The following NXPH1 variants were observed in gnomAD, a reference collection of about 807,000 sequenced individuals.
NXPH1 encodes neurexophilin 1, also known as neurexophilin-1.
Under a neutral mutation model 23.7 loss-of-function variants are expected in NXPH1, and 5 were observed. That is an observed-to-expected ratio of 0.21 (90% CI 0.11 to 0.44). The LOEUF is 0.44. Among genes scored for constraint, NXPH1 ranks in the 20% least tolerant of loss-of-function variants. The pLI is 0.99. For synonymous variants in NXPH1, 144 were observed against 122.2 expected (o/e 1.18, Z -1.18); for missense variants, 324 against 321.6 (o/e 1.01, Z -0.06).
chr7:8,560,494 A>G (rs529932405), intron 2 of NXPH1, among the ~76,000 whole-genome samples: 47 of 151,842 alleles, frequency 3.1e-4, no homozygotes, highest in Non-Finnish European at 5.8e-4. Context: ...TTGAATCCAC[A>G]TTATTACTGT....
chr7:8,667,999 GTT>G (rs1820802180), intron 2 of NXPH1, among the ~76,000 whole-genome samples: 2 of 151,572 alleles, frequency 1.3e-5, no homozygotes, highest in Admixed American at 1.3e-4. Flanking sequence ...TGTTGTTGTT[GTT>G]GTTGTTGTTT....
chr7:8,582,542 G>A (rs1012043520), intron 2 of NXPH1, among the ~76,000 whole-genome samples: 1 of 152,146 alleles, frequency 6.6e-6, no homozygotes, highest in African/African-American at 2.4e-5. Context: ...CCTGCAGTGG[G>A]TAGCTCTGCA....
intron 2 of NXPH1, among the ~76,000 whole-genome samples, chr7:8,704,802 T>A (rs1439399199): frequency 2.0e-5 from 3 of 151,816 alleles, no homozygotes; most frequent in African/African-American, 7.3e-5. Context: ...TTGACTTGCA[T>A]CACCACAGTG....
chr7:8,563,514 A>G (rs1818484654), intron 2 of NXPH1, among the ~76,000 whole-genome samples: 1 of 151,802 alleles, frequency 6.6e-6, no homozygotes, highest in Non-Finnish European at 1.5e-5. Flanking sequence ...TTGATGACAT[A>G]GGAAAGGAGG....
chr7:8,483,900 T>C (rs1817115240), intron 2 of NXPH1, among the ~76,000 whole-genome samples: 1 of 151,862 alleles, frequency 6.6e-6, no homozygotes, highest in African/African-American at 2.4e-5. Flanking sequence ...TGGAAATAAC[T>C]GGAAATTTAT....
At chr7:8,620,717 A>G (rs1326926524) in intron 2 of NXPH1, among the ~76,000 whole-genome samples, 2 of 152,206 alleles carry the variant, frequency 1.3e-5, no homozygotes, top group Non-Finnish European at 2.9e-5. Context: ...ATACGAACCA[A>G]TACATTTCTC....
intron 2 of NXPH1, among the ~76,000 whole-genome samples, chr7:8,626,960 A>G (rs1205204912): frequency 6.6e-6 from 1 of 152,078 alleles, no homozygotes; most frequent in Non-Finnish European, 1.5e-5. Flanking sequence ...CATAAGGACA[A>G]AGAGCCTCTC....
At chr7:8,528,861 A>T (rs1484190714) in intron 2 of NXPH1, among the ~76,000 whole-genome samples, 1 of 152,228 alleles carries the variant, frequency 6.6e-6, no homozygotes, top group Non-Finnish European at 1.5e-5. Context: ...CAAATTTAGC[A>T]GTTTAAAACA....
chr7:8,483,879 C>A (rs149102794), intron 2 of NXPH1, among the ~76,000 whole-genome samples: 14 of 151,658 alleles, frequency 9.2e-5, no homozygotes, highest in African/African-American at 3.4e-4. Flanking sequence ...ATTAACTTTC[C>A]TTTTATATGG....
At chr7:8,535,565 A>G (rs1220914975) in intron 2 of NXPH1, among the ~76,000 whole-genome samples, 2 of 151,932 alleles carry the variant, frequency 1.3e-5, no homozygotes, top group Non-Finnish European at 1.5e-5. Context: ...ACCAAACACA[A>G]GAACAAACCA....
chr7:8,745,099 C>T (rs1015241757), intron 2 of NXPH1, among the ~76,000 whole-genome samples: 9 of 152,196 alleles, frequency 5.9e-5, no homozygotes, highest in Admixed American at 1.3e-4. Context: ...ACGATTTGGC[C>T]GTAGCCTGCC....
chr7:8,614,453 GATA>G (rs1034517490), intron 2 of NXPH1, among the ~76,000 whole-genome samples: 24 of 151,764 alleles, frequency 1.6e-4, no homozygotes, highest in African/African-American at 5.5e-4. Flanking sequence ...TATATATGTA[GATA>G]TATGTATATG....
At chr7:8,523,044 G>T (rs561276284) in intron 2 of NXPH1, among the ~76,000 whole-genome samples, 1 of 152,340 alleles carries the variant, frequency 6.6e-6, no homozygotes, top group East Asian at 1.9e-4. Flanking sequence ...GGAATATGCA[G>T]GTATACTAGT....
intron 2 of NXPH1, among the ~76,000 whole-genome samples, chr7:8,670,500 G>A (rs897014700): frequency 9.2e-5 from 14 of 152,134 alleles, no homozygotes; most frequent in South Asian, 2.1e-4. Context: ...TCCAAGCAAA[G>A]CTTCTCATGT....
chr7:8,525,896 A>G (rs144005932), intron 2 of NXPH1, among the ~76,000 whole-genome samples: 26 of 152,356 alleles, frequency 1.7e-4, no homozygotes, highest in African/African-American at 6.0e-4. Flanking sequence ...AGGGTAGTGC[A>G]TAAGAGAAAT....
chr7:8,456,292 A>T (rs1164916811), intron 2 of NXPH1, among the ~76,000 whole-genome samples: 1 of 152,216 alleles, frequency 6.6e-6, no homozygotes, highest in Non-Finnish European at 1.5e-5. Context: ...TCTTGGTAGT[A>T]GCTGATTACC....
intron 2 of NXPH1, among the ~76,000 whole-genome samples, chr7:8,494,969 T>A (rs982218289): frequency 2.0e-5 from 3 of 152,074 alleles, no homozygotes; most frequent in Admixed American, 2.0e-4. Context: ...TTTCCTCATC[T>A]GTAAAATGGG....
intron 2 of NXPH1, among the ~76,000 whole-genome samples, chr7:8,479,731 TC>T (rs1380738661): frequency 1.3e-5 from 2 of 152,064 alleles, no homozygotes; most frequent in Non-Finnish European, 2.9e-5. Flanking sequence ...TATCAGAAAC[TC>T]CTGTGGTTAT....
intron 2 of NXPH1, among the ~76,000 whole-genome samples, chr7:8,583,814 C>T (rs929921309): frequency 1.3e-5 from 2 of 152,138 alleles, no homozygotes; most frequent in South Asian, 4.1e-4. Context: ...TGGAACTCCT[C>T]TGAGAGGTGG....
Sources: gnomAD v4.1 joint callset for allele counts (sites outside exome capture counted in the v4.1 genomes callset) on GRCh38, gnomAD v4.1.1 for gene constraint, MANE v1.5 for transcripts, NCBI Gene and HGNC (gene_info 2026-07-23, HGNC 2026-07-21) for gene names.